Variants in LSAMP observed in about 807,000 individuals in gnomAD.
LSAMP encodes limbic system-associated membrane protein.
In LSAMP, 7 loss-of-function variants were observed where a neutral mutation model predicts 38.6. That is an observed-to-expected ratio of 0.18 (90% CI 0.10 to 0.34). The LOEUF (loss-of-function observed/expected upper bound fraction) is 0.34, where lower values mean the gene tolerates loss of function less well. LSAMP is among the 10% of genes least tolerant of loss of function. The pLI, the probability that LSAMP is intolerant of heterozygous loss-of-function variation, is 1.00. For synonymous variants in LSAMP, 154 were observed against 166.8 expected (o/e 0.92, Z 0.59); for missense variants, 313 against 420.0 (o/e 0.75, Z 2.23).
At chr3:116,376,573 T>C (rs188731924) in intron 1 of LSAMP, among the ~76,000 whole-genome samples, 524 of 152,206 alleles carry the variant, frequency 3.4e-3, no homozygotes, top group Non-Finnish European at 5.0e-3. Flanking sequence ...TTTTGTACTA[T>C]TAATCTGTCT....
At chr3:115,937,538 G>C in intron 3 of LSAMP, among the ~76,000 whole-genome samples, 1 of 151,410 alleles carries the variant, frequency 6.6e-6, no homozygotes, top group African/African-American at 2.4e-5. Flanking sequence ...CTACTAGGGA[G>C]GCTGAGGTGG....
At chr3:115,918,194 T>C (rs1559880483) in intron 3 of LSAMP, among the ~76,000 whole-genome samples, 1 of 152,192 alleles carries the variant, frequency 6.6e-6, no homozygotes, top group Non-Finnish European at 1.5e-5. Flanking sequence ...GGTCTATTAG[T>C]AGCTTCTTAC....
chr3:116,321,870 C>T (rs2047710973), intron 1 of LSAMP, among the ~76,000 whole-genome samples: 1 of 152,170 alleles, frequency 6.6e-6, no homozygotes. Flanking sequence ...CTTCCCTGCT[C>T]TTAAGGCTAG....
intron 3 of LSAMP, among the ~76,000 whole-genome samples, chr3:115,934,430 G>C (rs970171341): frequency 1.3e-5 from 2 of 151,998 alleles, no homozygotes; most frequent in Non-Finnish European, 2.9e-5. Context: ...ACCTGCCTCG[G>C]CCTCCCAAAG....
intron 6 of LSAMP, among the ~76,000 whole-genome samples, chr3:115,818,050 C>T (rs745933295): frequency 2.6e-5 from 4 of 152,120 alleles, no homozygotes; most frequent in East Asian, 1.9e-4. Context: ...AGGTCATTTG[C>T]GAAGTGAGAG....
At chr3:116,443,388 A>T (rs16824913) in intron 1 of LSAMP, among the ~76,000 whole-genome samples, 38,265 of 152,056 alleles carry the variant, frequency 0.25, 5,253 homozygotes, top group African/African-American at 0.37. Flanking sequence ...AATCACCCAA[A>T]GCTCAGGAAA....
intron 3 of LSAMP, among the ~76,000 whole-genome samples, chr3:115,942,430 C>T (rs927415482): frequency 7.2e-5 from 11 of 152,146 alleles, no homozygotes; most frequent in African/African-American, 2.7e-4. Context: ...ATGACTGGGT[C>T]AGTTTCTCCT....
intron 2 of LSAMP, among the ~76,000 whole-genome samples, chr3:116,068,941 C>T (rs1365978700): frequency 6.6e-6 from 1 of 152,094 alleles, no homozygotes; most frequent in African/African-American, 2.4e-5. Flanking sequence ...ATTTGCTTCC[C>T]ATATTACAGA....
At chr3:116,070,179 A>G (rs558141468) in intron 2 of LSAMP, among the ~76,000 whole-genome samples, 2 of 152,322 alleles carry the variant, frequency 1.3e-5, no homozygotes, top group East Asian at 3.9e-4. Flanking sequence ...GGCTCTTTAA[A>G]AAGGGAGGGA....
chr3:116,387,925 C>T (rs371687492), intron 1 of LSAMP, among the ~76,000 whole-genome samples: 1 of 151,366 alleles, frequency 6.6e-6, no homozygotes, highest in African/African-American at 2.4e-5. Flanking sequence ...AACCCCGTCT[C>T]TACTAAAAAT....
chr3:115,813,304 ATACT>A (rs1013233921), intron 6 of LSAMP, among the ~76,000 whole-genome samples: 2 of 152,080 alleles, frequency 1.3e-5, no homozygotes, highest in Admixed American at 6.6e-5. Flanking sequence ...ATATACACAA[ATACT>A]TACCATTGCC....
intron 3 of LSAMP, among the ~76,000 whole-genome samples, chr3:115,942,963 A>G (rs989082208): frequency 7.9e-5 from 12 of 152,336 alleles, no homozygotes; most frequent in Non-Finnish European, 1.3e-4. Flanking sequence ...GCTAGGCTCA[A>G]ATAAAAACAA....
intron 1 of LSAMP, among the ~76,000 whole-genome samples, chr3:116,421,326 T>A (rs1443856757): frequency 6.6e-6 from 1 of 152,082 alleles, no homozygotes; most frequent in East Asian, 1.9e-4. Context: ...TCCCAGCACT[T>A]TGGGAGGCTG....
chr3:115,951,830 A>G (rs895901752), intron 3 of LSAMP, among the ~76,000 whole-genome samples: 3 of 151,292 alleles, frequency 2.0e-5, no homozygotes, highest in Non-Finnish European at 3.0e-5. Context: ...GTGAGTCAAT[A>G]CTCCTTAATA....
chr3:115,980,046 C>G (rs192651374), intron 3 of LSAMP, among the ~76,000 whole-genome samples: 29 of 152,094 alleles, frequency 1.9e-4, no homozygotes, highest in Non-Finnish European at 3.1e-4. Flanking sequence ...TTAGTACATG[C>G]AATTCACTGT....
intron 6 of LSAMP, among the ~76,000 whole-genome samples, chr3:115,841,313 TC>T (rs774747984): frequency 2.0e-5 from 3 of 152,198 alleles, no homozygotes; most frequent in Non-Finnish European, 4.4e-5. Flanking sequence ...CCATTTTTCC[TC>T]CTTTAGATTT....
intron 3 of LSAMP, among the ~76,000 whole-genome samples, chr3:115,916,572 T>C (rs1393099232): frequency 6.6e-6 from 1 of 152,232 alleles, no homozygotes; most frequent in Admixed American, 6.5e-5. Flanking sequence ...CTCTTGCACT[T>C]ATTTCATTCA....
chr3:116,419,958 A>G (rs773980823), intron 1 of LSAMP, among the ~76,000 whole-genome samples: 1 of 152,230 alleles, frequency 6.6e-6, no homozygotes, highest in Non-Finnish European at 1.5e-5. Flanking sequence ...TTGTTCCTAT[A>G]ACATCTAAGT....
At chr3:116,397,699 A>C (rs528960434) in intron 1 of LSAMP, among the ~76,000 whole-genome samples, 1 of 152,012 alleles carries the variant, frequency 6.6e-6, no homozygotes. Context: ...AGTTCTTATA[A>C]AGTGAATATA....
Sources: allele counts gnomAD v4.1 joint callset (sites outside exome capture counted in the v4.1 genomes callset), GRCh38; gene constraint gnomAD v4.1.1; transcripts MANE v1.5; gene names NCBI Gene and HGNC (gene_info 2026-07-23, HGNC 2026-07-21).